The following KLHDC10 variants were observed in gnomAD, a reference collection of about 807,000 sequenced individuals.
The protein encoded by KLHDC10 is kelch domain containing 10.
A neutral mutation model predicts 56.1 loss-of-function variants in KLHDC10; 24 were observed. The ratio of observed to expected loss-of-function variants is 0.43; its 90% CI spans 0.31 to 0.60. The LOEUF (loss-of-function observed/expected upper bound fraction) is 0.60, where lower values mean the gene tolerates loss of function less well. KLHDC10 is among the 20% of genes least tolerant of loss of function. The probability of loss-of-function intolerance (pLI) is 0.11; values close to 1 mark genes in which losing one functional copy is unlikely to be tolerated. For synonymous variants in KLHDC10, 188 were observed against 207.1 expected, an observed-to-expected ratio of 0.91 and a Z score of 0.79; for missense variants, 349 against 567.0, an observed-to-expected ratio of 0.62 and a Z score of 3.91.
intron 1 of KLHDC10, among the ~76,000 whole-genome samples, chr7:130,079,452 TG>T (rs1795567446): frequency 6.6e-6 from 1 of 152,192 alleles, no homozygotes; most frequent in East Asian, 1.9e-4. Context: ...GGAATTATAA[TG>T]TAATTTTTGT....
chr7:130,090,101 G>A (rs901288289), intron 1 of KLHDC10, among the ~76,000 whole-genome samples: 2 of 151,926 alleles, frequency 1.3e-5, no homozygotes, highest in African/African-American at 2.4e-5. Context: ...GGCTGGTCTC[G>A]AACTCCTGAC....
chr7:130,091,227 T>G (rs1033142012), intron 1 of KLHDC10, among the ~76,000 whole-genome samples: 1 of 152,222 alleles, frequency 6.6e-6, no homozygotes, highest in Non-Finnish European at 1.5e-5. Flanking sequence ...AGTTGTATGG[T>G]AAGTATATGT....
At chr7:130,095,607 A>G (rs1795837943) in intron 1 of KLHDC10, among the ~76,000 whole-genome samples, 1 of 152,230 alleles carries the variant, frequency 6.6e-6, no homozygotes, top group African/African-American at 2.4e-5. Flanking sequence ...TATTCTCTAC[A>G]AAATTAAGTG....
chr7:130,105,194 G>C (rs1456273754), intron 2 of KLHDC10, among the ~76,000 whole-genome samples: 1 of 152,132 alleles, frequency 6.6e-6, no homozygotes, highest in Non-Finnish European at 1.5e-5. Context: ...AAACATTTTG[G>C]CTTTACCAAA....
chr7:130,103,722 G>T (rs369618036), intron 2 of KLHDC10, among the ~76,000 whole-genome samples: 1 of 152,082 alleles, frequency 6.6e-6, no homozygotes, highest in Non-Finnish European at 1.5e-5. Flanking sequence ...AAGTGGGGGG[G>T]TCAAAATAAG....
chr7:130,096,834 T>C, intron 1 of KLHDC10, 87 bp from the exon 2 acceptor site: 1 of 919,162 alleles, frequency 1.1e-6, no homozygotes, highest in South Asian at 1.8e-5. Flanking sequence ...TTGTTTCCTG[T>C]TTTTCTGTCT....
At chr7:130,128,889 A>AAAAAAAAAAAAAAAAAAAAAATATAT in intron 8 of KLHDC10, among the ~76,000 whole-genome samples, 1 of 66,956 alleles carries the variant, frequency 1.5e-5, no homozygotes, top group Non-Finnish European at 2.8e-5. Context: ...AAAAAAAAAA[A>AAAAAAAAAAAAAAAAAAAAAATATAT]ATATATATAT....
intron 1 of KLHDC10, among the ~76,000 whole-genome samples, chr7:130,077,846 C>T (rs1452363573): frequency 6.6e-6 from 1 of 151,802 alleles, no homozygotes; most frequent in Admixed American, 6.6e-5. Context: ...AGAGCCACCG[C>T]GCCCGGCCGG....
At chr7:130,082,811 A>G (rs947350327) in intron 1 of KLHDC10, among the ~76,000 whole-genome samples, 4 of 152,158 alleles carry the variant, frequency 2.6e-5, no homozygotes, top group African/African-American at 9.7e-5. Context: ...CTTAGTTTTC[A>G]TCCTACCCAG....
intron 2 of KLHDC10, among the ~76,000 whole-genome samples, chr7:130,102,827 AAAAAC>A (rs898129300): frequency 7.2e-5 from 11 of 152,290 alleles, no homozygotes; most frequent in South Asian, 2.1e-4. Flanking sequence ...CACTGTCTCA[AAAAAC>A]AAAACAAAAC....
At chr7:130,079,487 A>G (rs1028688900) in intron 1 of KLHDC10, among the ~76,000 whole-genome samples, 2 of 152,036 alleles carry the variant, frequency 1.3e-5, no homozygotes, top group African/African-American at 4.8e-5. Context: ...ATTGTGGTAG[A>G]TTGTATTAAT....
chr7:130,105,194 G>A (rs1456273754), intron 2 of KLHDC10, among the ~76,000 whole-genome samples: 1 of 152,132 alleles, frequency 6.6e-6, no homozygotes, highest in Admixed American at 6.6e-5. Context: ...AAACATTTTG[G>A]CTTTACCAAA....
chr7:130,099,989 C>T (rs1350392277), intron 2 of KLHDC10, among the ~76,000 whole-genome samples: 1 of 151,746 alleles, frequency 6.6e-6, no homozygotes, highest in Non-Finnish European at 1.5e-5. Context: ...GCCTGTAGTC[C>T]CAGCTACTTG....
intron 1 of KLHDC10, among the ~76,000 whole-genome samples, chr7:130,079,057 T>C (rs1388037235): frequency 3.3e-5 from 5 of 152,048 alleles, no homozygotes; most frequent in African/African-American, 4.8e-5. Context: ...TGTTTTGTTT[T>C]TGTTTTTTGT....
At chr7:130,102,699 G>A (rs1461185339) in intron 2 of KLHDC10, among the ~76,000 whole-genome samples, 3 of 152,030 alleles carry the variant, frequency 2.0e-5, no homozygotes, top group Non-Finnish European at 2.9e-5. Context: ...GGTGGCAGCC[G>A]CCTGTAATCC....
At chr7:130,110,601 G>A (rs1354571269) in intron 2 of KLHDC10, among the ~76,000 whole-genome samples, 1 of 152,090 alleles carries the variant, frequency 6.6e-6, no homozygotes, top group Non-Finnish European at 1.5e-5. Context: ...GCCTTTTGGG[G>A]GATATGGGAG....
intron 2 of KLHDC10, among the ~76,000 whole-genome samples, chr7:130,104,448 G>A (rs563867383): frequency 1.3e-5 from 2 of 152,290 alleles, no homozygotes; most frequent in South Asian, 4.1e-4. Context: ...AGGGGGAAAA[G>A]TCAGGATCCT....
At chr7:130,101,814 C>CA (rs1795933772) in intron 2 of KLHDC10, among the ~76,000 whole-genome samples, 1 of 151,622 alleles carries the variant, frequency 6.6e-6, no homozygotes, top group Non-Finnish European at 1.5e-5. Context: ...ACTAAAAATA[C>CA]AAAAAATTAG....
At chr7:130,115,012 G>A (rs1299238751) in intron 2 of KLHDC10, among the ~76,000 whole-genome samples, 1 of 152,258 alleles carries the variant, frequency 6.6e-6, no homozygotes, top group Admixed American at 6.5e-5. Flanking sequence ...TTGGACGTGA[G>A]TGACTCAGTG....
Sources: allele counts gnomAD v4.1 joint callset (sites outside exome capture counted in the v4.1 genomes callset), GRCh38; gene constraint gnomAD v4.1.1; transcripts MANE v1.5; gene names NCBI Gene and HGNC (gene_info 2026-07-23, HGNC 2026-07-21).